The following FBXO25 variants were observed in gnomAD, a reference collection of about 807,000 sequenced individuals.
The protein encoded by FBXO25 is F-box protein 25.
In FBXO25, 45 loss-of-function variants were observed where a neutral mutation model predicts 51.9. That is an observed-to-expected ratio of 0.87 (90% confidence interval 0.68 to 1.11). The LOEUF is 1.11. FBXO25 is among the 50% of genes most tolerant of loss of function. The pLI, the probability that FBXO25 is intolerant of heterozygous loss-of-function variation, is 0.00. For synonymous variants in FBXO25, 199 were observed against 151.0 expected (o/e 1.32, Z -2.33); for missense variants, 507 against 428.5 (o/e 1.18, Z -1.62).
At chr8:458,962 C>T (rs904937507) in intron 8 of FBXO25, among the ~76,000 whole-genome samples, 4 of 152,240 alleles carry the variant, frequency 2.6e-5, no homozygotes, top group Middle Eastern at 3.4e-3. Context: ...CGGTAGATGC[C>T]GCTCCTGAGT....
chr8:412,189 C>T (rs1461751337), intron 1 of FBXO25, among the ~76,000 whole-genome samples: 1 of 152,138 alleles, frequency 6.6e-6, no homozygotes, highest in Non-Finnish European at 1.5e-5. Context: ...ACAGGCATGT[C>T]CTAAGCTGAA....
intron 7 of FBXO25, among the ~76,000 whole-genome samples, chr8:452,128 T>C (rs1373841142): frequency 1.3e-5 from 2 of 152,230 alleles, no homozygotes; most frequent in Non-Finnish European, 2.9e-5. Context: ...AGTTACCTTT[T>C]ATCACAGCAC....
chr8:407,853 A>G (rs1796258957), intron 1 of FBXO25, among the ~76,000 whole-genome samples: 2 of 152,048 alleles, frequency 1.3e-5, no homozygotes, highest in African/African-American at 2.4e-5. Flanking sequence ...TTCCCCTCAC[A>G]GTAAGCTCAA....
intron 5 of FBXO25, among the ~76,000 whole-genome samples, chr8:445,786 G>T (rs779613190): frequency 7.2e-5 from 11 of 152,152 alleles, no homozygotes; most frequent in Non-Finnish European, 1.3e-4. Context: ...CTAGAGAATC[G>T]CTTGAACCCA....
At chr8:431,501 T>C in intron 3 of FBXO25, 57 bp downstream of exon 3, 1 of 860,936 alleles carries the variant, frequency 1.2e-6, no homozygotes, top group Non-Finnish European at 1.8e-6. Context: ...AATACTAAAT[T>C]ACTCTGACAA....
At position 464,000 on chromosome 8, in the gene FBXO25, C is replaced by G. The variant is rs141118700; in HGVS notation, c.987+850C>G. ...TGTTTTTTTGAAACAGCATCTTGCTCTGTCACCCAGGCAGTTATGGGTGCA... is the reference window on the plus strand; with the variant it reads ...TGTTTTTTTGAAACAGCATCTTGCTGTGTCACCCAGGCAGTTATGGGTGCA... On this transcript the variant is annotated intron_variant, in intron 9 of 9. Coordinates refer to ENST00000350302, the MANE Select transcript of FBXO25 (RefSeq NM_183420.2). Among the ~76,000 whole-genome samples the G allele has an allele frequency of 2.0e-3, 304 of 152,268 alleles. 4 individuals are homozygous for G. Among genetic ancestry groups the G allele is most frequent in the African/African-American group, 7.0e-3 (290 of 41,562 alleles).
At chr8:464,772 A>G (rs1800044256) in intron 9 of FBXO25, among the ~76,000 whole-genome samples, 1 of 152,214 alleles carries the variant, frequency 6.6e-6, no homozygotes, top group African/African-American at 2.4e-5. Flanking sequence ...TATTTGGTAT[A>G]TCAAAGGTAA....
Position 451,283 on chromosome 8 carries a change from C to T in FBXO25, c.490C>T (p.His164Tyr), listed in dbSNP as rs756909108. The change falls in exon 7 of 10, where the codon CAC becomes TAC. Residue 164 changes from histidine to tyrosine, a missense_variant. His to Tyr is a moderately conservative substitution (Grantham distance 83). Coordinates refer to ENST00000350302, the MANE Select transcript of FBXO25 (RefSeq NM_183420.2). ...KIVQKVLDDH[H>Y]NPRLIKDLLQ... The stretch of plus-strand genomic sequence containing the variant: ...ATTTATTCCAGTTCTTGATGACCAC[C>T]ACAATCCTCGCTTAATCAAAGATCT... 1.9e-5 allele frequency: 31 copies of T among 1,605,754 alleles called. No homozygotes were observed. The highest frequency in any genetic ancestry group is 2.5e-5 in the Non-Finnish European group (30 of 1,177,618).
At chr8:434,261 T>G (rs1174470489) in intron 4 of FBXO25, among the ~76,000 whole-genome samples, 1 of 152,154 alleles carries the variant, frequency 6.6e-6, no homozygotes, top group Non-Finnish European at 1.5e-5. Flanking sequence ...ATGCTGTGGT[T>G]CTAGGTCCGC....
intron 2 of FBXO25, among the ~76,000 whole-genome samples, chr8:426,776 G>A (rs550539826): frequency 2.6e-4 from 39 of 151,958 alleles, no homozygotes; most frequent in Non-Finnish European, 4.7e-4. Flanking sequence ...TTCTCCCTGC[G>A]GAGTGAGATG....
At chr8:422,568 G>C (rs181050964) in intron 2 of FBXO25, among the ~76,000 whole-genome samples, 16 of 152,330 alleles carry the variant, frequency 1.1e-4, no homozygotes, top group African/African-American at 3.6e-4. Flanking sequence ...CTCTTCTGGT[G>C]TTGATCCTTG....
intron 7 of FBXO25, 36 bp downstream of exon 7, chr8:451,489 GTT>G: frequency 6.3e-7 from 1 of 1,576,352 alleles, no homozygotes. Flanking sequence ...ATTACACTCT[GTT>G]TTTATATTAC....
At chr8:438,605 C>G (rs1453991299) in intron 5 of FBXO25, among the ~76,000 whole-genome samples, 1 of 152,166 alleles carries the variant, frequency 6.6e-6, no homozygotes, top group African/African-American at 2.4e-5. Context: ...TAAAATGGCC[C>G]CACCTTTTGT....
chr8:435,421 G>C, intron 4 of FBXO25, 194 bp from the exon 5 acceptor site: 2 of 627,012 alleles, frequency 3.2e-6, no homozygotes, highest in Non-Finnish European at 5.5e-6. Context: ...CGGTGTCTCA[G>C]GTATACATAA....
In FBXO25 at chr8:477,879, G is replaced by C. The variant is rs1034844443; in HGVS notation, c.*9075G>C. The C allele has an allele frequency of 6.6e-6, 1 of 151,912 alleles. No homozygotes were observed. Among genetic ancestry groups the C allele is most frequent in the Non-Finnish European group, 1.5e-5 (1 of 67,956 alleles). The allele number at this position is 151,912 out of a possible 1,614,324, so 9.4% of individuals were successfully genotyped here. A position where few individuals can be genotyped will look rare whatever the true frequency, so the allele number is the denominator to read the frequency against. On this transcript the variant is annotated 3_prime_UTR_variant, in exon 10 of 10. Coordinates refer to ENST00000350302, the MANE Select transcript of FBXO25 (RefSeq NM_183420.2). ...TTGGGCTGTGCAAAAACAGCTGGTG[G>C]GCCCAATTTTGGCCTGTATTTCACT... is the stretch of plus-strand genomic sequence containing the variant.
chr8:459,241 C>A (rs997356797), intron 8 of FBXO25, among the ~76,000 whole-genome samples: 11 of 152,198 alleles, frequency 7.2e-5, no homozygotes, highest in African/African-American at 2.4e-4. Context: ...ATGTTGTGCT[C>A]CTCGTGGGGT....
chr8:435,048 C>G (rs539820913), intron 4 of FBXO25, among the ~76,000 whole-genome samples: 177 of 152,268 alleles, frequency 1.2e-3, no homozygotes, highest in African/African-American at 3.8e-3. Flanking sequence ...CACCTTCTTG[C>G]TACCGAAGCA....
chr8:466,848 T>C (rs181938141), intron 9 of FBXO25, among the ~76,000 whole-genome samples: 3 of 152,320 alleles, frequency 2.0e-5, no homozygotes, highest in Non-Finnish European at 2.9e-5. Context: ...CTGACTTCGA[T>C]GGCCCTGCGA....
At chr8:438,483 C>G (rs1273039629) in intron 5 of FBXO25, among the ~76,000 whole-genome samples, 1 of 152,138 alleles carries the variant, frequency 6.6e-6, no homozygotes, top group African/African-American at 2.4e-5. Context: ...ATTTAGTGTT[C>G]AATTACAGAT....
Sources: allele counts gnomAD v4.1 joint callset (sites outside exome capture counted in the v4.1 genomes callset), GRCh38; gene constraint gnomAD v4.1.1; transcripts MANE v1.5; gene names NCBI Gene and HGNC (gene_info 2026-07-23, HGNC 2026-07-21).